NKAIN3: variants seen among roughly 807,000 people sequenced by gnomAD.
The protein encoded by NKAIN3 is sodium/potassium transporting ATPase interacting 3.
In NKAIN3, 25 loss-of-function variants were observed where a neutral mutation model predicts 30.2. That is an observed-to-expected ratio of 0.83 (90% CI 0.60 to 1.16). The LOEUF (loss-of-function observed/expected upper bound fraction) is 1.16. Among genes scored for constraint, NKAIN3 ranks in the 50% most tolerant of loss-of-function variants. The pLI is 0.00. For synonymous variants in NKAIN3, 91 were observed against 89.6 expected, an observed-to-expected ratio of 1.02 and a Z score of -0.09; for missense variants, 225 against 254.1, an observed-to-expected ratio of 0.89 and a Z score of 0.78.
chr8:62,372,297 C>G (rs1049605104), intron 1 of NKAIN3, among the ~76,000 whole-genome samples: 8 of 151,810 alleles, frequency 5.3e-5, no homozygotes, highest in African/African-American at 1.7e-4. Flanking sequence ...GATTATTAAT[C>G]TTCAGTCTTA....
intron 3 of NKAIN3, among the ~76,000 whole-genome samples, chr8:62,720,666 C>A (rs964848753): frequency 2.0e-5 from 3 of 152,148 alleles, no homozygotes; most frequent in Non-Finnish European, 4.4e-5. Flanking sequence ...ATAGCATATT[C>A]TCCAAAGGCA....
At position 62,965,929 on chromosome 8, in the gene NKAIN3, C is replaced by T. The variant is rs1390522274; in HGVS notation, c.*522C>T. The T allele has an allele frequency of 3.0e-6, 3 of 984,916 alleles. No homozygotes were observed. Among genetic ancestry groups the T allele is most frequent in the Non-Finnish European group, 3.6e-6 (3 of 829,648 alleles). The allele number at this position is 984,916 out of a possible 1,614,324, so 61.0% of individuals were successfully genotyped here. A position where few individuals can be genotyped will look rare whatever the true frequency, so the allele number is the denominator to read the frequency against. On this transcript the variant is annotated 3_prime_UTR_variant, in exon 7 of 7. Transcript: ENST00000623646. ...GATTGAATATGGGTCATTTTTTCAA[C>T]AGCATAAAACAAAACATGGAGTCCT...
At chr8:62,331,663 A>G (rs918877795) in intron 1 of NKAIN3, among the ~76,000 whole-genome samples, 6 of 152,082 alleles carry the variant, frequency 3.9e-5, no homozygotes, top group African/African-American at 1.4e-4. Context: ...GGTATAGGAA[A>G]ATTTTTGATT....
chr8:62,923,152 G>C lies in NKAIN3; in HGVS notation c.532+4639G>C, dbSNP rs190876758. Among the ~76,000 whole-genome samples the C allele has an allele frequency of 6.6e-5, 10 of 152,062 alleles. No individual in the cohort carries two copies. The South Asian group carries it at 1.7e-3, about 25-fold the overall frequency. ...TCTCTACCAAAAATACAAAAACATA[G>C]CCGGGTGTGGTGGTGTGTGCCTGTG... On this transcript the variant is annotated intron_variant, in intron 5 of 6. Coordinates refer to ENST00000623646, the MANE Select transcript of NKAIN3 (RefSeq NM_001304533.3).
chr8:62,980,435 A>T lies in NKAIN3; in HGVS notation c.*15028A>T, dbSNP rs1053143279. 6.6e-6 allele frequency: 1 copy of T among 152,186 alleles called. No individual in the cohort carries two copies. The highest frequency in any genetic ancestry group is 1.5e-5 in the Non-Finnish European group (1 of 68,034). 9.4% of individuals were successfully genotyped at this position (152,186 alleles called of 1,614,324 possible). On this transcript the variant is annotated 3_prime_UTR_variant, in exon 7 of 7. Coordinates refer to ENST00000623646, the MANE Select transcript of NKAIN3 (RefSeq NM_001304533.3). ...ATCAGATATGAAACCAAGCATAATC[A>T]TTGCAATTATTTCTACTGTATTCAG...
intron 4 of NKAIN3, among the ~76,000 whole-genome samples, chr8:62,821,571 C>G (rs1308876543): frequency 1.3e-5 from 2 of 152,038 alleles, no homozygotes; most frequent in Non-Finnish European, 2.9e-5. Flanking sequence ...TTCTGCTTCC[C>G]TTTTTGAATT....
intron 1 of NKAIN3, among the ~76,000 whole-genome samples, chr8:62,430,277 A>G (rs1804950677): frequency 1.3e-5 from 2 of 151,308 alleles, no homozygotes; most frequent in South Asian, 4.2e-4. Context: ...TTGCTTTCAT[A>G]TTGTAGTTAT....
chr8:62,683,564 G>A (rs896691384), intron 3 of NKAIN3, among the ~76,000 whole-genome samples: 10 of 152,158 alleles, frequency 6.6e-5, no homozygotes, highest in African/African-American at 2.4e-4. Flanking sequence ...GTCAGTAAGT[G>A]CCCCAAAGTA....
rs1824110434 is a variant in NKAIN3, at chr8:62,982,555, GT to G, written c.*17150del. On this transcript the variant is annotated 3_prime_UTR_variant, in exon 7 of 7. Coordinates refer to ENST00000623646, the MANE Select transcript of NKAIN3 (RefSeq NM_001304533.3). ...AATTCTGTAGACATGCTTCATGCAT[GT>G]TCTGAATAGGAGCTATGGTATAATG... The G allele has an allele frequency of 6.6e-6, 1 of 152,176 alleles. No homozygotes were observed. 9.4% of individuals were successfully genotyped at this position (152,176 alleles called of 1,614,324 possible). A position where few individuals can be genotyped will look rare whatever the true frequency, so the allele number is the denominator to read the frequency against.
At chr8:62,849,548 A>C (rs558232981) in intron 4 of NKAIN3, among the ~76,000 whole-genome samples, 1 of 151,604 alleles carries the variant, frequency 6.6e-6, no homozygotes, top group Non-Finnish European at 1.5e-5. Flanking sequence ...TGCTGCACCC[A>C]TTAACTCATC....
intron 3 of NKAIN3, among the ~76,000 whole-genome samples, chr8:62,689,016 A>G (rs1053324427): frequency 6.6e-5 from 10 of 152,266 alleles, no homozygotes; most frequent in Middle Eastern, 3.4e-3. Context: ...GTAAGTATGT[A>G]TATTACTTTT....
At chr8:62,879,856 C>T (rs1311096322) in intron 4 of NKAIN3, among the ~76,000 whole-genome samples, 1 of 152,162 alleles carries the variant, frequency 6.6e-6, no homozygotes, top group Non-Finnish European at 1.5e-5. Context: ...CAGAATCTGA[C>T]TCCCACCCCG....
At chr8:62,256,228 C>A (rs1812255490) in intron 1 of NKAIN3, among the ~76,000 whole-genome samples, 1 of 151,416 alleles carries the variant, frequency 6.6e-6, no homozygotes, top group Non-Finnish European at 1.5e-5. Flanking sequence ...GCCTGGGCAA[C>A]AAAGTGAGAC....
At chr8:62,441,629 T>C (rs1160595858) in intron 1 of NKAIN3, among the ~76,000 whole-genome samples, 1 of 152,026 alleles carries the variant, frequency 6.6e-6, no homozygotes, top group Admixed American at 6.6e-5. Context: ...CAGAACTACC[T>C]TATAATTTTT....
At chr8:62,775,029 G>T (rs1013701043) in intron 4 of NKAIN3, among the ~76,000 whole-genome samples, 1 of 151,994 alleles carries the variant, frequency 6.6e-6, no homozygotes, top group South Asian at 2.1e-4. Context: ...AAGCTATCAC[G>T]TCCCAAGCTT....
chr8:62,821,781 T>C (rs1356180627), intron 4 of NKAIN3, among the ~76,000 whole-genome samples: 3 of 151,994 alleles, frequency 2.0e-5, no homozygotes, highest in African/African-American at 7.2e-5. Context: ...GACAGGTGGG[T>C]GTTCCCTGAG....
chr8:62,335,244 G>A (rs1232487384), intron 1 of NKAIN3, among the ~76,000 whole-genome samples: 1 of 151,810 alleles, frequency 6.6e-6, no homozygotes, highest in Non-Finnish European at 1.5e-5. Context: ...TGGCCAAAAT[G>A]GTGAAACTCC....
intron 1 of NKAIN3, among the ~76,000 whole-genome samples, chr8:62,535,201 C>A (rs1409946052): frequency 6.6e-6 from 1 of 152,150 alleles, no homozygotes; most frequent in Admixed American, 6.6e-5. Flanking sequence ...ATGCCACAGT[C>A]CACGTGCTGT....
intron 1 of NKAIN3, among the ~76,000 whole-genome samples, chr8:62,455,097 A>T (rs78089723): frequency 6.6e-6 from 1 of 152,230 alleles, no homozygotes; most frequent in Non-Finnish European, 1.5e-5. Context: ...TTGGTAGGAT[A>T]AAGTCAGAGA....
Sources: gnomAD v4.1 joint callset for allele counts (sites outside exome capture counted in the v4.1 genomes callset) on GRCh38, gnomAD v4.1.1 for gene constraint, MANE v1.5 for transcripts, NCBI Gene and HGNC (gene_info 2026-07-23, HGNC 2026-07-21) for gene names.